The following KAT6B variants were observed in gnomAD, a reference collection of about 807,000 sequenced individuals.
The protein encoded by KAT6B is lysine acetyltransferase 6B.
In KAT6B, 10 loss-of-function variants were observed where a neutral mutation model predicts 187.5. That is an observed-to-expected ratio of 0.05 (90% CI 0.03 to 0.09). KAT6B has a LOEUF of 0.09. Among genes scored for constraint, KAT6B ranks in the 10% least tolerant of loss-of-function variants. The pLI is 1.00. For missense variants in KAT6B, 1,952 were observed against 2,558.9 expected (o/e 0.76, Z 5.12); for synonymous variants, 861 against 926.8 (o/e 0.93, Z 1.29).
intron 3 of KAT6B, among the ~76,000 whole-genome samples, chr10:74,863,376 A>T (rs928511448): frequency 6.6e-6 from 1 of 152,180 alleles, no homozygotes; most frequent in Non-Finnish European, 1.5e-5. Flanking sequence ...ATCCTTCAAA[A>T]TTTAAGGTGC....
chr10:74,979,243 G>T lies in KAT6B; in HGVS notation c.2135G>T (p.Gly712Val). The change falls in exon 10 of 18, where the codon GGG (glycine) becomes GTG (valine). Residue 712 changes from glycine (G) to valine (V), a missense_variant. This residue lies in a region of KAT6B where 417 missense variants were observed against 508.9 expected (regional missense o/e 0.82). Coordinates refer to ENST00000287239, the MANE Select transcript of KAT6B (RefSeq NM_012330.4). ...LSWEKIECES[G>V]VEDCGRYPSV... Reference sequence around the variant, plus strand: ...TGACAGAAAATAGAGTGTGAGAGTGGGGTGGAAGACTGTGGCCGGTACCCT... The same window carrying T: ...TGACAGAAAATAGAGTGTGAGAGTGTGGTGGAAGACTGTGGCCGGTACCCT... 6.2e-7 allele frequency: 1 copy of T among 1,612,488 alleles called. No homozygotes were observed. The highest frequency in any genetic ancestry group is 8.5e-7 in the Non-Finnish European group (1 of 1,178,650).
At position 75,019,783 on chromosome 10, in the gene KAT6B, C is replaced by A. The variant is rs948554688; in HGVS notation, c.2630-799C>A. Among the ~76,000 whole-genome samples the A allele has an allele frequency of 2.7e-4, 38 of 141,616 alleles. No homozygotes were observed. The East Asian group carries it at 4.1e-3, about 15-fold the overall frequency. The allele number at this position is 141,616 out of a possible 152,430, so 92.9% of individuals were successfully genotyped here. On this transcript the variant is annotated intron_variant, in intron 13 of 17. Transcript: ENST00000287239. Reference sequence around the variant, plus strand: ...TGGTTTCTTTTTTTTTTTTTTTTTCCATTTTTAAAGTTCCTTTGCCAAGGA... The same window carrying A: ...TGGTTTCTTTTTTTTTTTTTTTTTCAATTTTTAAAGTTCCTTTGCCAAGGA...
chr10:74,876,288 C>T (rs1199850146), intron 3 of KAT6B, among the ~76,000 whole-genome samples: 1 of 152,124 alleles, frequency 6.6e-6, no homozygotes, highest in African/African-American at 2.4e-5. Flanking sequence ...GAGCACATCT[C>T]TCCTATGTGG....
At chr10:74,878,096 T>A (rs1334401937) in intron 3 of KAT6B, among the ~76,000 whole-genome samples, 2 of 152,116 alleles carry the variant, frequency 1.3e-5, no homozygotes, top group Admixed American at 6.6e-5. Context: ...ATGGAGACAT[T>A]TTTATGAGGA....
chr10:75,027,411 G>T (rs1417631950), intron 17 of KAT6B, among the ~76,000 whole-genome samples: 1 of 151,982 alleles, frequency 6.6e-6, no homozygotes, highest in African/African-American at 2.4e-5. Flanking sequence ...CTGGCAGAAG[G>T]GATATCTGTT....
At chr10:75,005,183 T>C (rs1220336033) in intron 13 of KAT6B, among the ~76,000 whole-genome samples, 3 of 152,014 alleles carry the variant, frequency 2.0e-5, no homozygotes, top group African/African-American at 7.2e-5. Context: ...TGCTTCCACT[T>C]ACCCCTCTCA....
chr10:74,886,039 C>A (rs1564542801), intron 3 of KAT6B, among the ~76,000 whole-genome samples: 1 of 152,136 alleles, frequency 6.6e-6, no homozygotes, highest in East Asian at 1.9e-4. Context: ...CCAGGGGAAG[C>A]TCTTTCTAAG....
chr10:74,982,180 G>GAC (rs1806717182), intron 11 of KAT6B: 1 of 449,932 alleles, frequency 2.2e-6, no homozygotes, highest in South Asian at 2.2e-5. Flanking sequence ...GTCTACACTA[G>GAC]ATATATTCAC....
At chr10:74,917,679 A>G (rs934543053) in intron 3 of KAT6B, among the ~76,000 whole-genome samples, 2 of 152,264 alleles carry the variant, frequency 1.3e-5, no homozygotes, top group African/African-American at 2.4e-5. Flanking sequence ...TCCCTAGAGA[A>G]GAGAGAGTTG....
intron 13 of KAT6B, among the ~76,000 whole-genome samples, chr10:75,004,970 C>T (rs779594712): frequency 6.8e-4 from 104 of 152,124 alleles, no homozygotes; most frequent in Non-Finnish European, 1.1e-3. Flanking sequence ...CTGCCTCGGC[C>T]TCCCAAGGCA....
intron 6 of KAT6B, among the ~76,000 whole-genome samples, chr10:74,970,326 G>C (rs1715296346): frequency 6.6e-6 from 1 of 151,110 alleles, no homozygotes; most frequent in Non-Finnish European, 1.5e-5. Context: ...TAAAATAAAG[G>C]CTCTAATTCA....
chr10:74,843,138 G>T lies in KAT6B; in HGVS notation c.281G>T (p.Gly94Val), dbSNP rs370028079. 1 of 1,614,038 alleles carries T rather than the reference G, an allele frequency of 6.2e-7. No individual in the cohort carries two copies. Among genetic ancestry groups the T allele is most frequent in the Non-Finnish European group, 8.5e-7 (1 of 1,180,050 alleles). ...GGCACTTTTCCTAAGTCAGCCAAGG[G>T]GTCTAGAGGATCATGTAATGATCTC... is the stretch of plus-strand genomic sequence containing the variant. The part of the protein sequence containing the change: ...KPGTFPKSAK[G>V]SRGSCNDLRN... The change falls in exon 3 of 18, where the codon GGG (glycine) becomes GTG (valine). Residue 94 changes from glycine (G) to valine (V), a missense_variant. By Grantham distance (109) the Gly-to-Val change is moderately radical (BLOSUM62 -3). Around this residue, in one of 9 missense-constraint regions of KAT6B, gnomAD observed 218 missense variants for 282.6 expected, o/e 0.77. Transcript: ENST00000287239.
chr10:74,847,996 G>A (rs895987057), intron 3 of KAT6B, among the ~76,000 whole-genome samples: 9 of 146,914 alleles, frequency 6.1e-5, no homozygotes, highest in African/African-American at 2.3e-4. Context: ...ATGGCCCACT[G>A]CAACCTCTGT....
At chr10:74,942,627 T>C (rs970534979) in intron 3 of KAT6B, among the ~76,000 whole-genome samples, 2 of 151,894 alleles carry the variant, frequency 1.3e-5, no homozygotes, top group African/African-American at 4.8e-5. Flanking sequence ...TAGCTGGGCA[T>C]GGTGGCACAA....
At chr10:74,886,108 T>C (rs1347593656) in intron 3 of KAT6B, among the ~76,000 whole-genome samples, 2 of 152,074 alleles carry the variant, frequency 1.3e-5, no homozygotes, top group Non-Finnish European at 2.9e-5. Context: ...AACAGTAGGA[T>C]TTCAGTTTGT....
chr10:74,940,330 C>T (rs1399831093), intron 3 of KAT6B, among the ~76,000 whole-genome samples: 1 of 148,638 alleles, frequency 6.7e-6, no homozygotes, highest in Non-Finnish European at 1.5e-5. Context: ...GGCTGGAGTA[C>T]AGTGGTGCCA....
chr10:74,846,086 T>C (rs3998202), intron 3 of KAT6B, among the ~76,000 whole-genome samples: 1 of 151,958 alleles, frequency 6.6e-6, no homozygotes, highest in Non-Finnish European at 1.5e-5. Flanking sequence ...CTGGTCTCGA[T>C]CTCCTGGGCT....
rs201404671 is a variant in KAT6B, at chr10:75,025,185, A to G, written c.3600A>G (p.Lys1200=). The G allele has an allele frequency of 1.2e-6, 2 of 1,614,242 alleles. No homozygotes were observed. Among genetic ancestry groups the G allele is most frequent in the East Asian group, 4.5e-5 (2 of 44,890 alleles). ...RKAFQHQPGK[K]RQTEEEEGKD... is the part of the protein sequence containing the mutation. The stretch of plus-strand genomic sequence containing the variant: ...CATTCCAGCATCAGCCTGGGAAGAA[A>G]AGACAAACAGAGGAAGAGGAAGGAA... The change falls in exon 17 of 18, where the codon AAA becomes AAG. Residue 1200 remains lysine, a synonymous_variant. Transcript: ENST00000287239.
At chr10:74,897,178 C>A (rs1475383596) in intron 3 of KAT6B, among the ~76,000 whole-genome samples, 1 of 152,072 alleles carries the variant, frequency 6.6e-6, no homozygotes, top group African/African-American at 2.4e-5. Context: ...TTTCAGAGAG[C>A]CCTTTTTGTA....
Sources: gnomAD v4.1 joint callset for allele counts (sites outside exome capture counted in the v4.1 genomes callset) on GRCh38, gnomAD v4.1.1 for gene constraint, gnomAD v4.1.1 regional missense constraint, MANE v1.5 for transcripts, NCBI Gene and HGNC (gene_info 2026-07-23, HGNC 2026-07-21) for gene names.